ATP2B2: variants seen among roughly 807,000 people sequenced by gnomAD.
ATP2B2 encodes the protein plasma membrane calcium-transporting ATPase 2.
A neutral mutation model predicts 120.0 loss-of-function variants in ATP2B2; 15 were observed. That is an observed-to-expected ratio of 0.12 (90% confidence interval 0.08 to 0.19). ATP2B2 has a LOEUF of 0.19. Ranked by LOEUF, ATP2B2 falls within the 10% of genes least tolerant of loss-of-function variation. The probability of loss-of-function intolerance (pLI) is 1.00; values close to 1 mark genes in which losing one functional copy is unlikely to be tolerated. For missense variants in ATP2B2, 1,045 were observed against 1,719.8 expected (o/e 0.61, Z 6.94); for synonymous variants, 694 against 700.3 (o/e 0.99, Z 0.14).
chr3:10,662,075 CTT>C (rs2070796984), intron 1 of ATP2B2, among the ~76,000 whole-genome samples: 1 of 152,138 alleles, frequency 6.6e-6, no homozygotes, highest in East Asian at 1.9e-4. Flanking sequence ...GGATCCCTTC[CTT>C]ACACCTTATA....
intron 1 of ATP2B2, among the ~76,000 whole-genome samples, chr3:10,663,012 T>C (rs1034235050): frequency 5.5e-5 from 8 of 145,984 alleles, no homozygotes; most frequent in African/African-American, 1.8e-4. Context: ...AAACATTGCA[T>C]GTTCTCACTC....
chr3:10,658,705 C>T (rs7649327), intron 1 of ATP2B2, among the ~76,000 whole-genome samples: 1 of 151,742 alleles, frequency 6.6e-6, no homozygotes, highest in Admixed American at 6.6e-5. Flanking sequence ...CCCAACCTAG[C>T]AAGGCAGGCC....
In ATP2B2 at chr3:10,661,201, C is replaced by T. The variant is rs937427483; in HGVS notation, c.-459-41240G>A. On this transcript the variant is annotated intron_variant, in intron 1 of 21. Coordinates refer to the ATP2B2 transcript ENST00000646379. ...GAAAACTGGCACAAGACAAGGATGC[C>T]CTCTCTCACCACTCCTATTCAACAT... Among the ~76,000 whole-genome samples the T allele has an allele frequency of 1.2e-3, 182 of 152,052 alleles. 2 individuals are homozygous for T. The highest frequency in any genetic ancestry group is 5.9e-4 in the Admixed American group (9 of 15,278).
rs1559403060 is a variant in ATP2B2 at position 10,488,511 on chromosome 3, C to CTTCCTTCCTTCCTTCG, written c.-320+16953_-320+16954insCGAAGGAAGGAAGGAA. On this transcript the variant is annotated intron_variant, in intron 1 of 22. Transcript: ENST00000360273. ...CCTTCCTTCCTTCCTTCCTTCGTTC[C>CTTCCTTCCTTCCTTCG]TTCCTTCCTTCCTTCCTTCTTTCCT... Among the ~76,000 whole-genome samples, 112 of 75,760 alleles carry CTTCCTTCCTTCCTTCG rather than the reference C, an allele frequency of 1.5e-3. 1 individual carries two copies. The East Asian group carries it at 0.019, about 13-fold the overall frequency. The allele number at this position is 75,760 out of a possible 152,430, so 49.7% of individuals were successfully genotyped here.
intron 1 of ATP2B2, among the ~76,000 whole-genome samples, chr3:10,692,042 A>C (rs1180703402): frequency 6.6e-6 from 1 of 152,198 alleles, no homozygotes; most frequent in Non-Finnish European, 1.5e-5. Flanking sequence ...TTCCAACTTT[A>C]TTTTACTGGG....
chr3:10,624,583 T>C (rs1271338491), intron 1 of ATP2B2, among the ~76,000 whole-genome samples: 2 of 152,150 alleles, frequency 1.3e-5, no homozygotes, highest in Non-Finnish European at 2.9e-5. Flanking sequence ...TTTAAGTATT[T>C]AGCAAGCAGC....
rs2060943479 is a variant in ATP2B2, at chr3:10,362,947, A to G, written c.1660-2824T>C. Among the ~76,000 whole-genome samples the G allele has an allele frequency of 2.0e-5, 3 of 152,180 alleles. No homozygotes were observed. The South Asian group carries it at 6.2e-4, about 32-fold the overall frequency. On this transcript the variant is annotated intron_variant, in intron 12 of 22. Transcript: ENST00000360273. Reference sequence around the variant, plus strand: ...TCTGTTGATTTCCAGAGTTTTATGTATTTTCCATAACAGTTTTTTCTCCCT... The same window carrying G: ...TCTGTTGATTTCCAGAGTTTTATGTGTTTTCCATAACAGTTTTTTCTCCCT...
chr3:10,353,655 G>A lies in ATP2B2; in HGVS notation c.2137-3078C>T, dbSNP rs541366541. ...CCAGGAATGAGGTGATTGGTGCTGC[G>A]TTTTAGAAATACTCTCACTTTCAAG... On this transcript the variant is annotated intron_variant, in intron 14 of 22. Coordinates refer to ENST00000360273, the MANE Select transcript of ATP2B2 (RefSeq NM_001001331.4). Among the ~76,000 whole-genome samples, 22 of 152,272 alleles carry A rather than the reference G, an allele frequency of 1.4e-4. No homozygotes were observed. In the South Asian group the frequency reaches 2.5e-3, roughly 17 times the overall value.
chr3:10,501,893 TG>T (rs1267552164), intron 1 of ATP2B2, among the ~76,000 whole-genome samples: 4 of 152,140 alleles, frequency 2.6e-5, no homozygotes, highest in African/African-American at 9.7e-5. Flanking sequence ...CGGAGTGAAA[TG>T]GGTGAAAACC....
chr3:10,361,324 G>A (rs2060893194), intron 12 of ATP2B2, among the ~76,000 whole-genome samples: 1 of 152,190 alleles, frequency 6.6e-6, no homozygotes, highest in African/African-American at 2.4e-5. Flanking sequence ...GGCTGTAACT[G>A]CGCCCGGTTG....
At chr3:10,698,400 A>G (rs1223273710) in intron 1 of ATP2B2, among the ~76,000 whole-genome samples, 1 of 152,238 alleles carries the variant, frequency 6.6e-6, no homozygotes, top group African/African-American at 2.4e-5. Flanking sequence ...AACCAACTCC[A>G]GAGCTAATCC....
intron 1 of ATP2B2, among the ~76,000 whole-genome samples, chr3:10,451,161 C>T (rs1006506471): frequency 1.3e-5 from 2 of 152,234 alleles, no homozygotes; most frequent in Admixed American, 1.3e-4. Context: ...TCCAGAGCCG[C>T]ACGGAGTGAG....
rs1471023838 is a variant in ATP2B2, at chr3:10,378,326, G to T, written c.1127C>A (p.Ala376Asp). The T allele has an allele frequency of 1.2e-6, 2 of 1,609,452 alleles. No homozygotes were observed. Among genetic ancestry groups the T allele is most frequent in the Non-Finnish European group, 8.5e-7 (1 of 1,180,026 alleles). Residue 376 changes from alanine (A) to aspartate (D), a missense_variant, in exon 10 of 23, where the codon GCC (alanine) becomes GAC (aspartate). By Grantham distance (126) the Ala-to-Asp change is moderately radical. Around this residue, in one of 11 missense-constraint regions of ATP2B2, gnomAD observed 145 missense variants for 202.0 expected, o/e 0.72. Coordinates refer to ENST00000360273, the MANE Select transcript of ATP2B2 (RefSeq NM_001001331.4). ...GGACTTCTCCTTCTTGTGCATGCTG[G>T]CCTTCTTCCTGTCGTCAGCGTCGCC... ...EGGDADDRKKASMHKKEKSVL... is the reference protein window; with the variant it reads ...EGGDADDRKKDSMHKKEKSVL...
At chr3:10,662,554 A>G (rs973287744) in intron 1 of ATP2B2, among the ~76,000 whole-genome samples, 1 of 146,248 alleles carries the variant, frequency 6.8e-6, no homozygotes, top group Non-Finnish European at 1.5e-5. Flanking sequence ...GCCATCTCAC[A>G]CCAGTTAGAA....
chr3:10,452,029 G>GTGAATGAA (rs1393207974), intron 1 of ATP2B2, among the ~76,000 whole-genome samples: 1 of 152,210 alleles, frequency 6.6e-6, no homozygotes, highest in Non-Finnish European at 1.5e-5. Context: ...AAATGAATAA[G>GTGAATGAA]TGAATGAATG....
At chr3:10,467,882 C>A (rs2064816115) in intron 1 of ATP2B2, among the ~76,000 whole-genome samples, 1 of 152,162 alleles carries the variant, frequency 6.6e-6, no homozygotes, top group Non-Finnish European at 1.5e-5. Context: ...GGCAGTATCT[C>A]AATAATCCCG....
intron 2 of ATP2B2, among the ~76,000 whole-genome samples, chr3:10,542,712 A>G (rs2067465775): frequency 2.0e-5 from 3 of 152,192 alleles, no homozygotes; most frequent in Admixed American, 2.0e-4. Context: ...CTGTCATTCA[A>G]AATTTTTACG....
intron 3 of ATP2B2, among the ~76,000 whole-genome samples, chr3:10,523,497 C>G (rs769501236): frequency 1.4e-4 from 22 of 152,314 alleles, no homozygotes; most frequent in Middle Eastern, 3.4e-3. Context: ...TCCTGGTGCC[C>G]AGCCTGCTGG....
chr3:10,565,567 C>A (rs565604149), intron 2 of ATP2B2, among the ~76,000 whole-genome samples: 38 of 152,266 alleles, frequency 2.5e-4, no homozygotes, highest in African/African-American at 8.9e-4. Context: ...CATTGTTGGG[C>A]AAATTATTTT....
Sources: gnomAD v4.1 joint callset for allele counts (sites outside exome capture counted in the v4.1 genomes callset) on GRCh38, gnomAD v4.1.1 for gene constraint, gnomAD v4.1.1 regional missense constraint, MANE v1.5 for transcripts, NCBI Gene and HGNC (gene_info 2026-07-23, HGNC 2026-07-21) for gene names.